ELMO1: variants seen among roughly 807,000 people sequenced by gnomAD.
The protein encoded by ELMO1 is engulfment and cell motility protein 1.
A neutral mutation model predicts 98.9 loss-of-function variants in ELMO1; 26 were observed. The observed-to-expected ratio is 0.26, with a 90% CI of 0.19 to 0.36. ELMO1 has a LOEUF of 0.36. ELMO1 is among the 10% of genes least tolerant of loss of function. The probability of loss-of-function intolerance (pLI) is 1.00; values close to 1 mark genes in which losing one functional copy is unlikely to be tolerated. For missense variants in ELMO1, 627 were observed against 935.2 expected, an observed-to-expected ratio of 0.67 and a Z score of 4.30; for synonymous variants, 346 against 346.0, an observed-to-expected ratio of 1.00 and a Z score of 0.00.
chr7:37,011,995 C>T (rs1041877373), intron 16 of ELMO1, among the ~76,000 whole-genome samples: 10 of 152,134 alleles, frequency 6.6e-5, no homozygotes, highest in African/African-American at 1.4e-4. Flanking sequence ...GCCTGTCCTC[C>T]GGCATAGCTG....
rs182431614 is a variant in ELMO1, at chr7:36,857,433, T to C, written c.1984-1682A>G. Among the ~76,000 whole-genome samples the C allele has an allele frequency of 2.9e-3, 443 of 152,252 alleles. 1 individual carries two copies. The highest frequency in any genetic ancestry group is 0.017 in the Middle Eastern group (5 of 294). ...TGAACTCTACATTCTCAAAGGCCCC[T>C]TCCAGCTTTCATGCTGTTTCATGGT... On this transcript the variant is annotated intron_variant, in intron 21 of 21. Coordinates refer to ENST00000310758, the MANE Select transcript of ELMO1 (RefSeq NM_014800.11).
intron 6 of ELMO1, among the ~76,000 whole-genome samples, chr7:37,252,670 G>A (rs1371941115): frequency 2.0e-5 from 3 of 152,102 alleles, no homozygotes; most frequent in Non-Finnish European, 4.4e-5. Flanking sequence ...GCAGGTGTGG[G>A]CAAAGGCTTC....
chr7:36,861,272 G>T (rs889555644), intron 21 of ELMO1, among the ~76,000 whole-genome samples: 2 of 152,162 alleles, frequency 1.3e-5, no homozygotes, highest in Admixed American at 1.3e-4. Context: ...AAGAAATTTG[G>T]TAGAAAACCT....
chr7:36,907,546 C>T (rs1052346700), intron 16 of ELMO1, among the ~76,000 whole-genome samples: 1 of 152,198 alleles, frequency 6.6e-6, no homozygotes, highest in African/African-American at 2.4e-5. Flanking sequence ...GTCAGTGACC[C>T]CAAGCAAGAT....
chr7:37,111,020 C>T (rs1785223456), intron 14 of ELMO1, among the ~76,000 whole-genome samples: 1 of 152,196 alleles, frequency 6.6e-6, no homozygotes, highest in Non-Finnish European at 1.5e-5. Flanking sequence ...TCTCCTACCC[C>T]GTTTACCACC....
intron 1 of ELMO1, among the ~76,000 whole-genome samples, chr7:37,432,577 C>G (rs1804975966): frequency 6.6e-6 from 1 of 152,186 alleles, no homozygotes; most frequent in Non-Finnish European, 1.5e-5. Flanking sequence ...GCTGAAACCC[C>G]TGATAACTGC....
At chr7:37,097,265 T>C (rs1260215107) in intron 14 of ELMO1, among the ~76,000 whole-genome samples, 2 of 152,276 alleles carry the variant, frequency 1.3e-5, no homozygotes, top group Non-Finnish European at 2.9e-5. Context: ...GGGCCGGGTA[T>C]GGTGATTCAC....
At chr7:37,428,162 G>C (rs1370989423) in intron 1 of ELMO1, among the ~76,000 whole-genome samples, 1 of 151,494 alleles carries the variant, frequency 6.6e-6, no homozygotes, top group East Asian at 1.9e-4. Flanking sequence ...CATCCTCTTA[G>C]GATACATATC....
At chr7:37,162,684 T>C (rs79912760) in intron 13 of ELMO1, among the ~76,000 whole-genome samples, 5,238 of 152,270 alleles carry the variant, frequency 0.034, 148 homozygotes, top group East Asian at 0.14. Context: ...ATGTCAAGAT[T>C]TACTCAACTC....
chr7:37,013,529 G>C, intron 15 of ELMO1, 94 bp from the exon 16 acceptor site: 1 of 1,430,034 alleles, frequency 7.0e-7, no homozygotes, highest in Non-Finnish European at 9.5e-7. Flanking sequence ...GGAGACAAGC[G>C]GAGGTATCTT....
chr7:37,200,638 A>G (rs539719174), intron 13 of ELMO1, among the ~76,000 whole-genome samples: 15 of 152,272 alleles, frequency 9.9e-5, no homozygotes, highest in Admixed American at 6.5e-4. Context: ...GCAGCTTCAT[A>G]GGCCACCCAC....
At chr7:36,953,849 GT>G in intron 16 of ELMO1, among the ~76,000 whole-genome samples, 1 of 35,364 alleles carries the variant, frequency 2.8e-5, no homozygotes, top group South Asian at 1.4e-3. Context: ...TTGTGTGTGT[GT>G]GTGTGTGTGT....
At chr7:37,198,459 A>G (rs1359767650) in intron 13 of ELMO1, among the ~76,000 whole-genome samples, 2 of 152,256 alleles carry the variant, frequency 1.3e-5, no homozygotes, top group Non-Finnish European at 2.9e-5. Context: ...ATTAATGTCC[A>G]TAACAAGCCT....
intron 5 of ELMO1, among the ~76,000 whole-genome samples, chr7:37,266,431 A>G (rs1337714919): frequency 3.3e-5 from 5 of 152,184 alleles, no homozygotes; most frequent in Non-Finnish European, 7.3e-5. Flanking sequence ...CCTAAACCAG[A>G]AAGAGTAGAA....
At chr7:36,871,657 C>T (rs1803516371) in intron 19 of ELMO1, among the ~76,000 whole-genome samples, 1 of 152,160 alleles carries the variant, frequency 6.6e-6, no homozygotes, top group South Asian at 2.1e-4. Flanking sequence ...CACATCCTTT[C>T]ATTGGGAAAT....
chr7:37,405,324 C>T (rs117709313), intron 1 of ELMO1, among the ~76,000 whole-genome samples: 2,560 of 152,270 alleles, frequency 0.017, 35 homozygotes, highest in Non-Finnish European at 0.024. Context: ...TTCCGACCCC[C>T]TCCCCACGCC....
At chr7:37,207,045 G>A (rs1792670358) in intron 13 of ELMO1, among the ~76,000 whole-genome samples, 1 of 152,152 alleles carries the variant, frequency 6.6e-6, no homozygotes, top group Non-Finnish European at 1.5e-5. Context: ...AAATAAACCA[G>A]AGACAAATTC....
At chr7:37,049,777 C>CT (rs34896674) in intron 15 of ELMO1, among the ~76,000 whole-genome samples, 19,927 of 131,012 alleles carry the variant, frequency 0.15, 1,630 homozygotes, top group Middle Eastern at 0.3. Context: ...TGTTTTGTTT[C>CT]TTTTTTTTTT....
chr7:36,984,988 A>C, intron 16 of ELMO1: 1 of 985,410 alleles, frequency 1.0e-6, no homozygotes, highest in Non-Finnish European at 1.2e-6. Flanking sequence ...ATCTTGCCAC[A>C]TACATTTTTA....
Sources: allele counts gnomAD v4.1 joint callset (sites outside exome capture counted in the v4.1 genomes callset), GRCh38; gene constraint gnomAD v4.1.1; transcripts MANE v1.5; gene names NCBI Gene and HGNC (gene_info 2026-07-23, HGNC 2026-07-21).